RALYL: variants seen among roughly 807,000 people sequenced by gnomAD.
The protein encoded by RALYL is RALY RNA binding protein like.
Under a neutral mutation model 35.1 loss-of-function variants are expected in RALYL, and 29 were observed. The observed-to-expected ratio is 0.83, with a 90% confidence interval of 0.61 to 1.13. RALYL has a LOEUF of 1.13. Ranked by LOEUF, RALYL falls within the 50% of genes most tolerant of loss-of-function variation. RALYL has a pLI of 0.00. For synonymous variants in RALYL, 120 were observed against 127.6 expected, an observed-to-expected ratio of 0.94 and a Z score of 0.40; for missense variants, 359 against 360.4, an observed-to-expected ratio of 1.00 and a Z score of 0.03.
At chr8:84,279,172 A>G (rs1033151874) in intron 1 of RALYL, among the ~76,000 whole-genome samples, 15 of 152,296 alleles carry the variant, frequency 9.8e-5, no homozygotes, top group African/African-American at 3.6e-4. Flanking sequence ...GTCAGATGTC[A>G]TGAGAACTTA....
intron 1 of RALYL, among the ~76,000 whole-genome samples, chr8:84,232,170 G>A (rs1236499023): frequency 1.3e-5 from 2 of 152,044 alleles, no homozygotes; most frequent in African/African-American, 4.8e-5. Context: ...CCCAAAATTT[G>A]GCTGACTTAG....
chr8:84,405,422 T>C (rs991666427), intron 1 of RALYL, among the ~76,000 whole-genome samples: 1 of 151,896 alleles, frequency 6.6e-6, no homozygotes, highest in African/African-American at 2.4e-5. Context: ...ATCCAGGAGG[T>C]GTTTTTTTGA....
chr8:84,193,937 G>A (rs560636597), intron 1 of RALYL, among the ~76,000 whole-genome samples: 1 of 152,272 alleles, frequency 6.6e-6, no homozygotes, highest in East Asian at 1.9e-4. Flanking sequence ...AGCAAGGGCA[G>A]CTCTACGAGA....
intron 6 of RALYL, among the ~76,000 whole-genome samples, chr8:84,871,399 TTC>T (rs1481229272): frequency 6.6e-6 from 1 of 152,214 alleles, no homozygotes; most frequent in Non-Finnish European, 1.5e-5. Context: ...AAGAAATATA[TTC>T]TGTTAGTTTT....
intron 4 of RALYL, among the ~76,000 whole-genome samples, chr8:84,827,921 T>A (rs943777652): frequency 2.0e-5 from 3 of 152,084 alleles, no homozygotes; most frequent in Non-Finnish European, 4.4e-5. Context: ...ACTTGGTAAT[T>A]TTTACTGACA....
rs139636931 is a variant in RALYL at position 84,434,744 on chromosome 8, G to A, written c.-23-94555G>A. 1.8e-3 allele frequency among the ~76,000 whole-genome samples: 268 copies of A among 152,102 alleles called. 1 individual carries two copies. The highest frequency in any genetic ancestry group is 5.8e-3 in the African/African-American group (241 of 41,488). Reference sequence around the variant, plus strand: ...ACTTCAGCCTCGACTACCTGAGCTCGAGTAATTCTCCCAACTCAGCCTCCC... The same window carrying A: ...ACTTCAGCCTCGACTACCTGAGCTCAAGTAATTCTCCCAACTCAGCCTCCC... On this transcript the variant is annotated intron_variant, in intron 1 of 8. Transcript: ENST00000521268.
chr8:84,611,155 A>G (rs1234874949), intron 2 of RALYL, among the ~76,000 whole-genome samples: 5 of 152,156 alleles, frequency 3.3e-5, no homozygotes, highest in Admixed American at 2.6e-4. Flanking sequence ...CAGAAAACTA[A>G]AAGTGGTATA....
At chr8:84,766,912 C>A (rs1814235714) in intron 2 of RALYL, among the ~76,000 whole-genome samples, 1 of 151,918 alleles carries the variant, frequency 6.6e-6, no homozygotes, top group African/African-American at 2.4e-5. Flanking sequence ...GCGTGGGGTG[C>A]TGAAGGGCAT....
intron 2 of RALYL, among the ~76,000 whole-genome samples, chr8:84,553,852 A>T (rs183551335): frequency 2.6e-5 from 4 of 152,288 alleles, no homozygotes; most frequent in Admixed American, 1.3e-4. Flanking sequence ...TAATATTTAA[A>T]TATTATTAGC....
At position 84,239,944 on chromosome 8, in the gene RALYL, G is replaced by A. The variant is rs184015179; in HGVS notation, c.-24+55520G>A. ...AAAAATAAAAGACAGTCTGGCTGTA[G>A]TGTGTGTGCCAAAGTACTGCAGCAC... On this transcript the variant is annotated intron_variant, in intron 1 of 8. Coordinates refer to ENST00000521268, the MANE Select transcript of RALYL (RefSeq NM_173848.7). Among the ~76,000 whole-genome samples, 9 of 152,180 alleles carry A rather than the reference G, an allele frequency of 5.9e-5. No individual in the cohort carries two copies. In the East Asian group the frequency reaches 1.7e-3, roughly 29 times the overall value.
At chr8:84,493,752 CT>C (rs915123454) in intron 1 of RALYL, among the ~76,000 whole-genome samples, 10 of 149,960 alleles carry the variant, frequency 6.7e-5, no homozygotes, top group South Asian at 2.1e-4. Flanking sequence ...CCTTTGCCCA[CT>C]TTTTTTTTCT....
At chr8:84,864,885 T>C in intron 6 of RALYL, 1 of 428,184 alleles carries the variant, frequency 2.3e-6, no homozygotes, top group Non-Finnish European at 4.4e-6. Flanking sequence ...CATGATGTAC[T>C]TGAGCATGAT....
chr8:84,905,283 T>C (rs1255275664), intron 8 of RALYL, among the ~76,000 whole-genome samples: 4 of 152,190 alleles, frequency 2.6e-5, no homozygotes, highest in African/African-American at 9.6e-5. Flanking sequence ...AAATAATATT[T>C]CCTTGAATGT....
chr8:84,906,371 C>T (rs1365678), intron 8 of RALYL, among the ~76,000 whole-genome samples: 46,010 of 151,804 alleles, frequency 0.3, 7,508 homozygotes, highest in East Asian at 0.61. Flanking sequence ...AGACAAAAGA[C>T]AATGTTCATT....
chr8:84,655,751 A>G (rs952074721), intron 2 of RALYL, among the ~76,000 whole-genome samples: 3 of 152,164 alleles, frequency 2.0e-5, no homozygotes, highest in African/African-American at 7.2e-5. Context: ...ACTGAAATAT[A>G]TACCACAGTG....
At chr8:84,426,456 G>GTGTGTT in intron 1 of RALYL, among the ~76,000 whole-genome samples, 1 of 151,134 alleles carries the variant, frequency 6.6e-6, no homozygotes, top group African/African-American at 2.4e-5. Context: ...GTGTGTGTGT[G>GTGTGTT]TGTGTGTGTG....
chr8:84,213,983 A>G (rs1820175627), intron 1 of RALYL, among the ~76,000 whole-genome samples: 1 of 152,196 alleles, frequency 6.6e-6, no homozygotes, highest in Non-Finnish European at 1.5e-5. Context: ...TTTAAGGATT[A>G]TTAAAGTTCC....
chr8:84,284,092 A>G (rs1837143746), intron 1 of RALYL, among the ~76,000 whole-genome samples: 1 of 152,198 alleles, frequency 6.6e-6, no homozygotes, highest in East Asian at 1.9e-4. Flanking sequence ...AAATAGGCGG[A>G]CATAGTTGAA....
At chr8:84,304,115 GTTTA>G (rs1234873700) in intron 1 of RALYL, among the ~76,000 whole-genome samples, 1 of 151,484 alleles carries the variant, frequency 6.6e-6, no homozygotes, top group Non-Finnish European at 1.5e-5. Context: ...AGTTTTGTTT[GTTTA>G]TTTATTTATT....
Sources: gnomAD v4.1 joint callset for allele counts (sites outside exome capture counted in the v4.1 genomes callset) on GRCh38, gnomAD v4.1.1 for gene constraint, MANE v1.5 for transcripts, NCBI Gene and HGNC (gene_info 2026-07-23, HGNC 2026-07-21) for gene names.